The following WDR33 variants were observed in gnomAD, a reference collection of about 807,000 sequenced individuals.
WDR33 encodes WD repeat domain 33, also known as pre-mRNA 3' end processing protein WDR33.
A neutral mutation model predicts 164.9 loss-of-function variants in WDR33; 47 were observed. That is an observed-to-expected ratio of 0.29 (90% CI 0.23 to 0.36). WDR33 has a LOEUF of 0.36. Ranked by LOEUF, WDR33 falls within the 10% of genes least tolerant of loss-of-function variation. The probability of loss-of-function intolerance (pLI) is 1.00; values close to 1 mark genes in which losing one functional copy is unlikely to be tolerated. For synonymous variants in WDR33, 505 were observed against 589.0 expected, an observed-to-expected ratio of 0.86 and a Z score of 2.06; for missense variants, 1,137 against 1,754.1, an observed-to-expected ratio of 0.65 and a Z score of 6.28.
chr2:127,737,994 C>T (rs865977763), intron 7 of WDR33: 1 of 1,611,922 alleles, frequency 6.2e-7, no homozygotes, highest in African/African-American at 1.3e-5. Context: ...ACTTTGTCCA[C>T]CTACTGTTAT....
Position 127,726,522 on chromosome 2 carries a change from G to A in WDR33, c.851+129C>T. The A allele has an allele frequency of 1.6e-6, 2 of 1,245,056 alleles. No homozygotes were observed. The highest frequency in any genetic ancestry group is 2.2e-6 in the Non-Finnish European group (2 of 909,256). 77.1% of individuals were successfully genotyped at this position (1,245,056 alleles called of 1,614,324 possible). On this transcript the variant is annotated intron_variant, in intron 8 of 21. Transcript: ENST00000322313. The surrounding 1 kb of genome is among the most constrained non-coding windows in gnomAD (Gnocchi z 4.8). ...ATATTTAATTCATAAGAAGTCTATA[G>A]ATCCAAGTCCATCTGTTGCCTAAAT...
chr2:127,737,806 T>C, intron 7 of WDR33: 1 of 1,331,226 alleles, frequency 7.5e-7, no homozygotes, highest in Middle Eastern at 2.4e-4. Flanking sequence ...TTGGCCAGAT[T>C]AAGGATACAC....
At chr2:127,803,243 G>A (rs1689315355) in intron 1 of WDR33, among the ~76,000 whole-genome samples, 2 of 152,136 alleles carry the variant, frequency 1.3e-5, no homozygotes, top group Non-Finnish European at 2.9e-5. Context: ...TCTGTTTTCT[G>A]TGTAGAAAAT....
intron 1 of WDR33, among the ~76,000 whole-genome samples, chr2:127,790,991 G>C (rs1688823563): frequency 6.6e-6 from 1 of 151,446 alleles, no homozygotes; most frequent in Non-Finnish European, 1.5e-5. Flanking sequence ...TGTTCACTTG[G>C]GCCCCCTCCT....
At chr2:127,787,477 G>A (rs1171683567) in intron 1 of WDR33, among the ~76,000 whole-genome samples, 4 of 136,500 alleles carry the variant, frequency 2.9e-5, no homozygotes, top group Non-Finnish European at 4.7e-5. Context: ...GCAGCTGGCC[G>A]GGCGGGGGGC....
At position 127,737,949 on chromosome 2, in the gene WDR33, T is replaced by C. The variant is rs1256142891; in HGVS notation, c.725-11172A>G. 4.4e-6 allele frequency: 7 copies of C among 1,599,228 alleles called. No individual in the cohort carries two copies. The Middle Eastern group carries it at 5.0e-4, about 114-fold the overall frequency. On this transcript the variant is annotated intron_variant, in intron 7 of 21. Transcript: ENST00000322313. The stretch of plus-strand genomic sequence containing the variant: ...TATGTTTTGCCAGAATCTTCTTGGG[T>C]ATATTCACAGAAGTTGGTAAATGTG...
chr2:127,782,836 C>A (rs571711903), intron 1 of WDR33, among the ~76,000 whole-genome samples: 11 of 152,190 alleles, frequency 7.2e-5, no homozygotes, highest in African/African-American at 2.2e-4. Flanking sequence ...GGTGAAACCC[C>A]ATCTCTACTA....
intron 1 of WDR33, among the ~76,000 whole-genome samples, chr2:127,792,416 T>C (rs1438997714): frequency 6.6e-6 from 1 of 151,866 alleles, no homozygotes; most frequent in Non-Finnish European, 1.5e-5. Flanking sequence ...ATCCCAGCAC[T>C]TTGGGAGGCT....
chr2:127,780,559 A>C (rs964605339), intron 1 of WDR33, among the ~76,000 whole-genome samples: 1 of 152,224 alleles, frequency 6.6e-6, no homozygotes, highest in East Asian at 1.9e-4. Context: ...TAATCAATGA[A>C]GCTGTTTAAA....
intron 1 of WDR33, among the ~76,000 whole-genome samples, chr2:127,775,714 C>T (rs1363246298): frequency 1.3e-5 from 2 of 152,122 alleles, no homozygotes; most frequent in Non-Finnish European, 2.9e-5. Context: ...AATATCAATC[C>T]TTCATTTAAG....
At chr2:127,707,183 G>A (rs561064756) in intron 21 of WDR33, among the ~76,000 whole-genome samples, 2 of 147,984 alleles carry the variant, frequency 1.4e-5, no homozygotes, top group Non-Finnish European at 3.0e-5. Flanking sequence ...CAAATGTTTA[G>A]GTACTATTAA....
At position 127,711,769 on chromosome 2, in the gene WDR33, TATATA is replaced by T. The variant is rs1558919349; in HGVS notation, c.3308+1809_3308+1813del. On this transcript the variant is annotated intron_variant, in intron 18 of 21. Coordinates refer to ENST00000322313, the MANE Select transcript of WDR33 (RefSeq NM_018383.5). ...ATATACAGATATATATATATATATA[TATATA>T]TATATATTTTTTTTTTGAGACAGAG... Among the ~76,000 whole-genome samples the T allele has an allele frequency of 1.4e-4, 13 of 92,362 alleles. 1 individual carries two copies. The highest frequency in any genetic ancestry group is 6.8e-4 in the African/African-American group (9 of 13,204). 60.6% of individuals were successfully genotyped at this position (92,362 alleles called of 152,430 possible).
rs370134275 is a variant in WDR33, at chr2:127,706,300, C to T, written c.*23G>A. 6.5e-7 allele frequency: 1 copy of T among 1,527,358 alleles called. No individual in the cohort carries two copies. The highest frequency in any genetic ancestry group is 8.8e-7 in the Non-Finnish European group (1 of 1,140,448). 94.6% of individuals were successfully genotyped at this position (1,527,358 alleles called of 1,614,324 possible). A position where few individuals can be genotyped will look rare whatever the true frequency, so the allele number is the denominator to read the frequency against. Reference sequence around the variant, plus strand: ...GTTCTTACATACTGTCCAGAGAGGCCTCAGGGTACTCAGTTCCAGCTTCTA... The same window carrying T: ...GTTCTTACATACTGTCCAGAGAGGCTTCAGGGTACTCAGTTCCAGCTTCTA... On this transcript the variant is annotated 3_prime_UTR_variant, in exon 22 of 22. Coordinates refer to ENST00000322313, the MANE Select transcript of WDR33 (RefSeq NM_018383.5). The surrounding 1 kb of genome is among the most constrained non-coding windows in gnomAD (Gnocchi z 5.1).
At chr2:127,774,021 A>G (rs745481221) in intron 1 of WDR33, among the ~76,000 whole-genome samples, 6 of 147,090 alleles carry the variant, frequency 4.1e-5, no homozygotes, top group Non-Finnish European at 7.4e-5. Flanking sequence ...GATTACAGGC[A>G]TGAGCCACCA....
In WDR33 at chr2:127,724,230, G is replaced by T; in HGVS notation, c.1196+103C>A. On this transcript the variant is annotated intron_variant, in intron 11 of 21. Coordinates refer to ENST00000322313, the MANE Select transcript of WDR33 (RefSeq NM_018383.5). This position sits in a 1 kb window ranked among gnomAD's most constrained non-coding sequence, Gnocchi z 4.8. ...ACAAAAATATTCCCAAGAATAAGTTGGAATATAAATTACTATATCAATCAA... is the reference window on the plus strand; with the variant it reads ...ACAAAAATATTCCCAAGAATAAGTTTGAATATAAATTACTATATCAATCAA... 2.5e-6 allele frequency: 2 copies of T among 808,676 alleles called. No individual in the cohort carries two copies. Among genetic ancestry groups the T allele is most frequent in the Non-Finnish European group, 1.9e-6 (1 of 527,042 alleles). 50.1% of individuals were successfully genotyped at this position (808,676 alleles called of 1,614,324 possible). A position where few individuals can be genotyped will look rare whatever the true frequency, so the allele number is the denominator to read the frequency against.
At position 127,704,155 on chromosome 2, in the gene WDR33, A is replaced by G. The variant is rs541012684; in HGVS notation, c.*2168T>C. The G allele has an allele frequency of 1.8e-5, 3 of 166,530 alleles. No individual in the cohort carries two copies. The East Asian group carries it at 5.8e-4, about 32-fold the overall frequency. 10.3% of individuals were successfully genotyped at this position (166,530 alleles called of 1,614,324 possible). A position where few individuals can be genotyped will look rare whatever the true frequency, so the allele number is the denominator to read the frequency against. On this transcript the variant is annotated 3_prime_UTR_variant, in exon 22 of 22. Transcript: ENST00000322313. ...TTTCTCAAATCAAACATCATTGAAA[A>G]TCTACTTTTTATAAGCTTCAAATCA...
chr2:127,753,833 A>G (rs1687440631), intron 7 of WDR33, among the ~76,000 whole-genome samples: 1 of 152,216 alleles, frequency 6.6e-6, no homozygotes, highest in Admixed American at 6.5e-5. Context: ...AAGGTGAGAT[A>G]AAAACCACAA....
chr2:127,701,604 C>A lies in WDR33; in HGVS notation c.*4719G>T. 7.4e-7 allele frequency: 1 copy of A among 1,348,732 alleles called. No homozygotes were observed. Among genetic ancestry groups the A allele is most frequent in the Non-Finnish European group, 9.5e-7 (1 of 1,052,052 alleles). 83.5% of individuals were successfully genotyped at this position (1,348,732 alleles called of 1,614,324 possible). On this transcript the variant is annotated 3_prime_UTR_variant, in exon 22 of 22. Transcript: ENST00000322313. ...TGGCGGCCCGGCGGCCGCGGAGCCG[C>A]TGCTCGCCGCGGAGAAGGCGGAGGA...
Position 127,724,178 on chromosome 2 carries a change from T to C in WDR33, c.1196+155A>G, listed in dbSNP as rs1042666724. On this transcript the variant is annotated intron_variant, in intron 11 of 21. Transcript: ENST00000322313. The surrounding 1 kb of genome is among the most constrained non-coding windows in gnomAD (Gnocchi z 4.8). Reference sequence around the variant, plus strand: ...CCATATTCAATACCCAATCTCTTTATTGCAATATAAGTATTTGTAAACCAC... The same window carrying C: ...CCATATTCAATACCCAATCTCTTTACTGCAATATAAGTATTTGTAAACCAC... Among the ~76,000 whole-genome samples, 2 of 152,218 alleles carry C rather than the reference T, an allele frequency of 1.3e-5. No individual in the cohort carries two copies. Among genetic ancestry groups the C allele is most frequent in the Admixed American group, 6.5e-5 (1 of 15,282 alleles).
Sources: allele counts gnomAD v4.1 joint callset (sites outside exome capture counted in the v4.1 genomes callset), GRCh38; gene constraint gnomAD v4.1.1; non-coding constraint Gnocchi (gnomAD v3.1); transcripts MANE v1.5; gene names NCBI Gene and HGNC (gene_info 2026-07-23, HGNC 2026-07-21).